SLC2A8: variants seen among roughly 807,000 people sequenced by gnomAD.
SLC2A8 encodes solute carrier family 2, facilitated glucose transporter member 8.
Under a neutral mutation model 49.2 loss-of-function variants are expected in SLC2A8, and 53 were observed. That is an observed-to-expected ratio of 1.08 (90% CI 0.86 to 1.35). The LOEUF is 1.35. Ranked by LOEUF, SLC2A8 falls within the 40% of genes most tolerant of loss-of-function variation. The probability of loss-of-function intolerance (pLI) is 0.00; values close to 1 mark genes in which losing one functional copy is unlikely to be tolerated. For synonymous variants in SLC2A8, 299 were observed against 297.0 expected (o/e 1.01, Z -0.07); for missense variants, 688 against 671.7 (o/e 1.02, Z -0.27).
rs370431123 is a variant in SLC2A8 at position 127,405,043 on chromosome 9, C to T, written c.1150+52C>T. ...GAGGAGTGGGAGGTGATCCCCCCGG[C>T]CCTGCTGTGGCGGCTCCCGGCAGGT... On this transcript the variant is annotated intron_variant, in intron 8 of 9. Coordinates refer to ENST00000373371, the MANE Select transcript of SLC2A8 (RefSeq NM_014580.5). 16 of 1,557,386 alleles carry T rather than the reference C, an allele frequency of 1.0e-5. No individual in the cohort carries two copies. The African/African-American group carries it at 2.2e-4, about 21-fold the overall frequency.
chr9:127,403,642 C>T lies in SLC2A8; in HGVS notation c.724-18C>T, dbSNP rs747832812. 1.2e-6 allele frequency: 2 copies of T among 1,612,460 alleles called. No individual in the cohort carries two copies. The highest frequency in any genetic ancestry group is 2.2e-5 in the East Asian group (1 of 44,882). The stretch of plus-strand genomic sequence containing the variant: ...GAGGGGAGAGAGAAATCCTGATGGC[C>T]AGTATCCGTCAGAGCAGAGCTTTCA... On this transcript the variant is annotated intron_variant, in intron 5 of 9. Transcript: ENST00000373371.
In SLC2A8 at chr9:127,399,941, G is replaced by C; in HGVS notation, c.461G>C (p.Arg154Pro). The change falls in exon 4 of 10, where the codon CGG (arginine) becomes CCG (proline). Residue 154 changes from arginine to proline, a missense_variant. Transcript: ENST00000373371. This position sits in a 1 kb window ranked among gnomAD's most constrained non-coding sequence, Gnocchi z 4.2. The part of the protein sequence containing the change: ...YISEIAYPAV[R>P]GLLGSCVQLM... ...TCCGAAATCGCCTACCCAGCAGTCC[G>C]GGGGTTGCTCGGCTCCTGTGTGCAG... The C allele has an allele frequency of 1.9e-6, 3 of 1,613,182 alleles. No individual in the cohort carries two copies. Among genetic ancestry groups the C allele is most frequent in the Non-Finnish European group, 2.5e-6 (3 of 1,179,366 alleles).
rs948416790 is a variant in SLC2A8, at chr9:127,397,359, C to T, written c.57-17C>T. 6.9e-7 allele frequency: 1 copy of T among 1,446,940 alleles called. No homozygotes were observed. The highest frequency in any genetic ancestry group is 9.0e-7 in the Non-Finnish European group (1 of 1,109,396). The allele number at this position is 1,446,940 out of a possible 1,614,324, so 89.6% of individuals were successfully genotyped here. A position where few individuals can be genotyped will look rare whatever the true frequency, so the allele number is the denominator to read the frequency against. ...CCTCCGCGTCCGCTCCGCTCACCCT[C>T]GGCCCTGTCCCCCCAGCGCGCCCCG... On this transcript the variant is annotated splice_polypyrimidine_tract_variant and intron_variant, in intron 1 of 9. Transcript: ENST00000373371.
rs1183388531 is a variant in SLC2A8 at position 127,399,161 on chromosome 9, T to C, written c.427-746T>C. ...AGTGACCGAGGCAGAGAGTTCGTGC[T>C]TCTAGTCCAAGGCCACCACTCAAAG... On this transcript the variant is annotated intron_variant, in intron 3 of 9. Coordinates refer to ENST00000373371, the MANE Select transcript of SLC2A8 (RefSeq NM_014580.5). The surrounding 1 kb of genome is among the most constrained non-coding windows in gnomAD (Gnocchi z 4.2). Among the ~76,000 whole-genome samples the C allele has an allele frequency of 6.6e-6, 1 of 152,202 alleles. No homozygotes were observed. The highest frequency in any genetic ancestry group is 6.5e-5 in the Admixed American group (1 of 15,284).
At chr9:127,397,689 C>T in intron 2 of SLC2A8, 151 bp downstream of exon 2, 1 of 1,189,632 alleles carries the variant, frequency 8.4e-7, no homozygotes, top group Non-Finnish European at 1.1e-6. Flanking sequence ...CATTGGGCCT[C>T]TCTGCCCCCC....
chr9:127,402,519 T>C, intron 4 of SLC2A8, 38 bp from the exon 5 acceptor site: 1 of 1,480,048 alleles, frequency 6.8e-7, no homozygotes, highest in Admixed American at 2.3e-5. Context: ...TGGCTCACCC[T>C]GGCTCTGACG....
intron 2 of SLC2A8, 51 bp from the exon 3 acceptor site, chr9:127,397,854 A>AGGAT (rs1336584466): frequency 7.1e-7 from 1 of 1,410,400 alleles, no homozygotes; most frequent in African/African-American, 1.5e-5. Flanking sequence ...GTGGAGGGGG[A>AGGAT]GGATGGGCTG....
intron 2 of SLC2A8, 37 bp from the exon 3 acceptor site, chr9:127,397,868 C>A: frequency 6.9e-7 from 1 of 1,442,108 alleles, no homozygotes; most frequent in Non-Finnish European, 9.1e-7. Context: ...TGGGCTGCGG[C>A]TTCGGCGCCC....
chr9:127,406,612 G>A (rs1019673820), intron 9 of SLC2A8, among the ~76,000 whole-genome samples: 3 of 152,240 alleles, frequency 2.0e-5, no homozygotes, highest in East Asian at 1.9e-4. Context: ...GTTCTGGCAC[G>A]TGGGAGGTCA....
chr9:127,407,263 G>A lies in SLC2A8; in HGVS notation c.*14G>A, dbSNP rs1409591074. The stretch of plus-strand genomic sequence containing the variant: ...GAGGGGCGATGACAGCCACTCACTA[G>A]GGGATGGAGCAAGCCTGTGACTCCA... On this transcript the variant is annotated 3_prime_UTR_variant, in exon 10 of 10. Coordinates refer to ENST00000373371, the MANE Select transcript of SLC2A8 (RefSeq NM_014580.5). 1 of 1,612,810 alleles carries A rather than the reference G, an allele frequency of 6.2e-7. No individual in the cohort carries two copies. The highest frequency in any genetic ancestry group is 8.5e-7 in the Non-Finnish European group (1 of 1,179,916).
intron 2 of SLC2A8, 147 bp from the exon 3 acceptor site, chr9:127,397,758 A>T: frequency 1.9e-6 from 2 of 1,032,428 alleles, no homozygotes; most frequent in Non-Finnish European, 1.3e-6. Flanking sequence ...CCTCGGGACG[A>T]GCACCGGGCC....
chr9:127,403,515 C>T (rs1833370842), intron 5 of SLC2A8, 145 bp from the exon 6 acceptor site: 1 of 918,378 alleles, frequency 1.1e-6, no homozygotes, highest in East Asian at 2.4e-5. Context: ...CTTGTCTGCA[C>T]ACCTGAGGAC....
At chr9:127,398,319 A>T (rs760838087) in intron 3 of SLC2A8, 2 of 782,852 alleles carry the variant, frequency 2.6e-6, no homozygotes, top group Non-Finnish European at 4.7e-6. Flanking sequence ...AGGTCATGAC[A>T]TGCAGTCTCG....
At chr9:127,404,669 G>T in intron 7 of SLC2A8, 149 bp from the exon 8 acceptor site, 1 of 904,366 alleles carries the variant, frequency 1.1e-6, no homozygotes, top group South Asian at 1.8e-5. Flanking sequence ...CTGCCACCCA[G>T]TCAGGGCTTC....
chr9:127,406,753 GC>G, intron 9 of SLC2A8, among the ~76,000 whole-genome samples: 1 of 131,158 alleles, frequency 7.6e-6, no homozygotes, highest in South Asian at 2.5e-4. Flanking sequence ...TCAGGGTGGG[GC>G]CAAAGCTGAG....
At position 127,407,319 on chromosome 9, in the gene SLC2A8, C is replaced by G; in HGVS notation, c.*70C>G. ...GGCCCAAGCCCAGAGCCCCTGCCTG[C>G]CCCAGGGGAGCCAGAATCCAGCCCC... On this transcript the variant is annotated 3_prime_UTR_variant, in exon 10 of 10. Transcript: ENST00000373371. 1 of 1,578,398 alleles carries G rather than the reference C, an allele frequency of 6.3e-7. No homozygotes were observed.
At position 127,407,460 on chromosome 9, in the gene SLC2A8, AG is replaced by A. The variant is rs1443308080; in HGVS notation, c.*213del. On this transcript the variant is annotated 3_prime_UTR_variant, in exon 10 of 10. Transcript: ENST00000373371. ...GCTCCTGCTGCTGCTCTGAGGACTC[AG>A]GAACACCTTCGAGCTTTGCAGACCT... 2.8e-6 allele frequency: 2 copies of A among 704,794 alleles called. No homozygotes were observed. Among genetic ancestry groups the A allele is most frequent in the Admixed American group, 4.1e-5 (2 of 49,170 alleles). 43.7% of individuals were successfully genotyped at this position (704,794 alleles called of 1,614,324 possible).
chr9:127,404,645 C>A, intron 7 of SLC2A8, 173 bp from the exon 8 acceptor site: 1 of 702,204 alleles, frequency 1.4e-6, no homozygotes, highest in Non-Finnish European at 2.3e-6. Context: ...TCGCTGAGGT[C>A]CAAGGCGGGG....
rs1317560533 is a variant in SLC2A8 at position 127,399,707 on chromosome 9, G to A, written c.427-200G>A. Among the ~76,000 whole-genome samples the A allele has an allele frequency of 6.6e-6, 1 of 151,912 alleles. No homozygotes were observed. Among genetic ancestry groups the A allele is most frequent in the Non-Finnish European group, 1.5e-5 (1 of 67,974 alleles). Reference sequence around the variant, plus strand: ...AGTGATTCTCCTCCCTCAACCTCCTGAGTAGCTGGGATTACAGATGTGTGC... The same window carrying A: ...AGTGATTCTCCTCCCTCAACCTCCTAAGTAGCTGGGATTACAGATGTGTGC... On this transcript the variant is annotated intron_variant, in intron 3 of 9. Transcript: ENST00000373371. The surrounding 1 kb of genome is among the most constrained non-coding windows in gnomAD (Gnocchi z 4.2).
Sources: gnomAD v4.1 joint callset for allele counts (sites outside exome capture counted in the v4.1 genomes callset) on GRCh38, gnomAD v4.1.1 for gene constraint, Gnocchi (gnomAD v3.1) non-coding constraint, MANE v1.5 for transcripts, NCBI Gene and HGNC (gene_info 2026-07-23, HGNC 2026-07-21) for gene names.